The following UBE2V2 variants were observed in gnomAD, a reference collection of about 807,000 sequenced individuals.
UBE2V2 encodes the protein ubiquitin-conjugating enzyme E2 variant 2.
UBE2V2 carries 9 observed loss-of-function variants against 17.2 expected under a neutral mutation model. The ratio of observed to expected loss-of-function variants is 0.52; its 90% CI spans 0.32 to 0.91. UBE2V2 has a LOEUF of 0.91. Ranked by LOEUF, UBE2V2 falls within the 40% of genes least tolerant of loss-of-function variation. The probability of loss-of-function intolerance (pLI) is 0.04; values close to 1 mark genes in which losing one functional copy is unlikely to be tolerated. For missense variants in UBE2V2, 133 were observed against 182.6 expected (o/e 0.73, Z 1.56); for synonymous variants, 61 against 57.5 (o/e 1.06, Z -0.28).
At chr8:48,026,492 C>G (rs1398005427) in intron 1 of UBE2V2, among the ~76,000 whole-genome samples, 2 of 152,180 alleles carry the variant, frequency 1.3e-5, no homozygotes, top group African/African-American at 4.8e-5. Flanking sequence ...TGATTTCTGG[C>G]ATGTTCACAG....
rs375202018 is a variant in UBE2V2, at chr8:48,027,209, C to T, written c.17-15824C>T. ...AGAGACTGGATTTTGCCAAGTTGGC[C>T]GGGCTGGTCTTGATCTCTTGACCTC... On this transcript the variant is annotated intron_variant, in intron 1 of 3. Coordinates refer to ENST00000523111, the MANE Select transcript of UBE2V2 (RefSeq NM_003350.3). 1.6e-4 allele frequency among the ~76,000 whole-genome samples: 25 copies of T among 152,242 alleles called. No homozygotes were observed. In the East Asian group the frequency reaches 2.3e-3, roughly 14 times the overall value.
Position 48,063,890 on chromosome 8 carries a change from A to G in UBE2V2, c.*3062A>G, listed in dbSNP as rs1000736015. On this transcript the variant is annotated 3_prime_UTR_variant, in exon 4 of 4. Transcript: ENST00000523111. ...TTGATTTTAATGTTAATTCCCACTA[A>G]ATATATAATATTGATAAATACATGT... 1.3e-5 allele frequency: 2 copies of G among 152,214 alleles called. No individual in the cohort carries two copies. The highest frequency in any genetic ancestry group is 4.8e-5 in the African/African-American group (2 of 41,462). The allele number at this position is 152,214 out of a possible 1,614,324, so 9.4% of individuals were successfully genotyped here. A position where few individuals can be genotyped will look rare whatever the true frequency, so the allele number is the denominator to read the frequency against.
the UBE2V2 span, among the ~76,000 whole-genome samples, chr8:47,997,899 G>A: frequency 6.6e-6 from 1 of 151,926 alleles, no homozygotes; most frequent in East Asian, 1.9e-4. Flanking sequence ...AAAATCAGTG[G>A]GATCAAAGGA....
intron 1 of UBE2V2, among the ~76,000 whole-genome samples, chr8:48,013,310 CT>C (rs35999178): frequency 0.022 from 3,071 of 142,176 alleles, 73 homozygotes; most frequent in African/African-American, 0.069. Context: ...TAACGTGAAA[CT>C]TTTTTTTTTT....
At chr8:48,040,864 T>C (rs1760996924) in intron 1 of UBE2V2, among the ~76,000 whole-genome samples, 2 of 143,076 alleles carry the variant, frequency 1.4e-5, no homozygotes, top group African/African-American at 5.2e-5. Context: ...TTTTTTTTTT[T>C]TTGTGTGTGT....
chr8:48,036,243 C>T (rs1233318055), intron 1 of UBE2V2, among the ~76,000 whole-genome samples: 1 of 151,328 alleles, frequency 6.6e-6, no homozygotes, highest in African/African-American at 2.4e-5. Flanking sequence ...GTGTGAGCCA[C>T]CACACCTGGC....
chr8:48,043,535 T>C (rs1470082875), intron 2 of UBE2V2: 2 of 157,010 alleles, frequency 1.3e-5, no homozygotes, highest in Non-Finnish European at 2.8e-5. Flanking sequence ...GTGGAGGAAG[T>C]TGCCTTTGGA....
intron 1 of UBE2V2, among the ~76,000 whole-genome samples, chr8:48,032,420 C>A (rs1242251593): frequency 6.6e-6 from 1 of 151,844 alleles, no homozygotes; most frequent in Non-Finnish European, 1.5e-5. Flanking sequence ...TGTATAAATT[C>A]ACAGTGTCTG....
Position 48,064,246 on chromosome 8 carries a change from C to G in UBE2V2, c.*3418C>G, listed in dbSNP as rs1298801528. 1.3e-5 allele frequency: 2 copies of G among 151,970 alleles called. No homozygotes were observed. The highest frequency in any genetic ancestry group is 1.3e-4 in the Admixed American group (2 of 15,248). 9.4% of individuals were successfully genotyped at this position (151,970 alleles called of 1,614,324 possible). A position where few individuals can be genotyped will look rare whatever the true frequency, so the allele number is the denominator to read the frequency against. On this transcript the variant is annotated 3_prime_UTR_variant, in exon 4 of 4. Coordinates refer to ENST00000523111, the MANE Select transcript of UBE2V2 (RefSeq NM_003350.3). Reference sequence around the variant, plus strand: ...AGTATCATTTATTGCTGGGATGGATCGAAAAGCACTGCTTTTACTTTTCTG... The same window carrying G: ...AGTATCATTTATTGCTGGGATGGATGGAAAAGCACTGCTTTTACTTTTCTG...
chr8:48,063,433 A>G lies in UBE2V2; in HGVS notation c.*2605A>G, dbSNP rs145428132. 18 of 152,328 alleles carry G rather than the reference A, an allele frequency of 1.2e-4. No individual in the cohort carries two copies. The highest frequency in any genetic ancestry group is 4.3e-4 in the African/African-American group (18 of 41,580). The allele number at this position is 152,328 out of a possible 1,614,324, so 9.4% of individuals were successfully genotyped here. On this transcript the variant is annotated 3_prime_UTR_variant, in exon 4 of 4. Coordinates refer to ENST00000523111, the MANE Select transcript of UBE2V2 (RefSeq NM_003350.3). ...GGCTAAGGTTGTAGGAGTGTGTGGT[A>G]TTTATTACCTTTTAAATGAACTGTA... is the stretch of plus-strand genomic sequence containing the variant.
intron 1 of UBE2V2, among the ~76,000 whole-genome samples, chr8:48,020,355 T>C (rs2091296633): frequency 1.3e-5 from 2 of 152,198 alleles, no homozygotes; most frequent in South Asian, 4.1e-4. Context: ...TGGCATATCT[T>C]TTTCCATTCC....
Position 48,041,258 on chromosome 8 carries a change from G to A in UBE2V2, c.17-1775G>A, listed in dbSNP as rs557480595. The stretch of plus-strand genomic sequence containing the variant: ...GCGATCTCGGCTCACTGCAGCCTCC[G>A]CCTCTGGAACATTAAATGTTCCAGA... On this transcript the variant is annotated intron_variant, in intron 1 of 3. Coordinates refer to ENST00000523111, the MANE Select transcript of UBE2V2 (RefSeq NM_003350.3). 1.0e-4 allele frequency among the ~76,000 whole-genome samples: 15 copies of A among 148,238 alleles called. 1 individual carries two copies. The South Asian group carries it at 2.6e-3, about 26-fold the overall frequency.
At chr8:48,041,026 G>A (rs2091460279) in intron 1 of UBE2V2, among the ~76,000 whole-genome samples, 2 of 150,824 alleles carry the variant, frequency 1.3e-5, no homozygotes, top group South Asian at 2.1e-4. Flanking sequence ...CACCACGCCT[G>A]GCTAATTTTT....
At chr8:48,028,695 A>C (rs1404680674) in intron 1 of UBE2V2, among the ~76,000 whole-genome samples, 1 of 152,124 alleles carries the variant, frequency 6.6e-6, no homozygotes, top group Non-Finnish European at 1.5e-5. Flanking sequence ...CATGTTGGCC[A>C]GGCTTGTCTC....
chr8:48,028,026 G>A (rs2091357280), intron 1 of UBE2V2, among the ~76,000 whole-genome samples: 1 of 151,636 alleles, frequency 6.6e-6, no homozygotes, highest in Non-Finnish European at 1.5e-5. Context: ...GCTAATTTTT[G>A]TATTTTTAGT....
chr8:48,001,467 G>A, the UBE2V2 span, among the ~76,000 whole-genome samples: 1 of 152,156 alleles, frequency 6.6e-6, no homozygotes, highest in Non-Finnish European at 1.5e-5. Context: ...AGACATTGTG[G>A]CATGTATCTG....
In UBE2V2 at chr8:48,060,764, T is replaced by A. The variant is rs749202532; in HGVS notation, c.374T>A (p.Leu125Gln). The A allele has an allele frequency of 1.7e-5, 27 of 1,574,236 alleles. 1 individual carries two copies. In the Middle Eastern group the frequency reaches 6.0e-4, roughly 35 times the overall value. The change falls in exon 4 of 4, where the codon CTA becomes CAA. Residue 125 changes from leucine (L) to glutamine (Q), a missense_variant. By Grantham distance (113) the Leu-to-Gln change is moderately radical. Around this residue, in one of 3 missense-constraint regions of UBE2V2, gnomAD observed 14 missense variants for 38.1 expected, o/e 0.37. Transcript: ENST00000523111. The stretch of plus-strand genomic sequence containing the variant: ...GTTGTACTTCAAGAGCTAAGACGTC[T>A]AATGATGTCCAAAGAAAATATGAAG... ...IKVVLQELRR[L>Q]MMSKENMKLP...
At chr8:48,000,571 C>T in the UBE2V2 span, among the ~76,000 whole-genome samples, 3 of 152,026 alleles carry the variant, frequency 2.0e-5, no homozygotes, top group Admixed American at 2.0e-4. Context: ...CCTGTAATCC[C>T]AGCACTTTGG....
At chr8:48,002,109 G>C in the UBE2V2 span, among the ~76,000 whole-genome samples, 2 of 152,010 alleles carry the variant, frequency 1.3e-5, no homozygotes, top group African/African-American at 4.8e-5. Flanking sequence ...AAGGGCAACA[G>C]ATCCAAAAAG....
Sources: allele counts gnomAD v4.1 joint callset (sites outside exome capture counted in the v4.1 genomes callset), GRCh38; gene constraint gnomAD v4.1.1; regional missense constraint gnomAD v4.1.1; transcripts MANE v1.5; gene names NCBI Gene and HGNC (gene_info 2026-07-23, HGNC 2026-07-21).